Variants in PTGER4 observed in about 807,000 individuals in gnomAD.
The protein encoded by PTGER4 is prostaglandin E2 receptor EP4 subtype.
A neutral mutation model predicts 33.2 loss-of-function variants in PTGER4; 11 were observed. The observed-to-expected ratio is 0.33, with a 90% confidence interval of 0.21 to 0.55. The LOEUF (loss-of-function observed/expected upper bound fraction) is 0.55. Ranked by LOEUF, PTGER4 falls within the 20% of genes least tolerant of loss-of-function variation. The probability of loss-of-function intolerance (pLI) is 0.92; values close to 1 mark genes in which losing one functional copy is unlikely to be tolerated. For missense variants in PTGER4, 481 were observed against 650.2 expected (o/e 0.74, Z 2.83); for synonymous variants, 275 against 281.5 (o/e 0.98, Z 0.23).
At position 40,693,418 on chromosome 5, in the gene PTGER4, G is replaced by A. The variant is rs1741520316; in HGVS notation, c.*1040G>A. ...ATATCCTTTAAAATTTAAAAGGATG[G>A]CAAGTTGCATCAGAAAGCTTTATTT... is the stretch of plus-strand genomic sequence containing the variant. On this transcript the variant is annotated 3_prime_UTR_variant, in exon 3 of 3. Coordinates refer to ENST00000302472, the MANE Select transcript of PTGER4 (RefSeq NM_000958.3). 2 of 985,634 alleles carry A rather than the reference G, an allele frequency of 2.0e-6. No individual in the cohort carries two copies. The highest frequency in any genetic ancestry group is 2.4e-6 in the Non-Finnish European group (2 of 829,622). 61.1% of individuals were successfully genotyped at this position (985,634 alleles called of 1,614,324 possible).
At chr5:40,701,872 T>C in the PTGER4 span, among the ~76,000 whole-genome samples, 1 of 152,198 alleles carries the variant, frequency 6.6e-6, no homozygotes, top group Non-Finnish European at 1.5e-5. Context: ...ATTGGGGGCC[T>C]ATGTTCAACA....
chr5:40,701,955 A>G, the PTGER4 span, among the ~76,000 whole-genome samples: 1 of 152,348 alleles, frequency 6.6e-6, no homozygotes, highest in East Asian at 1.9e-4. Context: ...AAGGAGAAAT[A>G]AGATCCTTTT....
rs2111783616 is a variant in PTGER4, at chr5:40,681,557, C to T, written c.564C>T (p.Tyr188=). 2 of 1,611,866 alleles carry T rather than the reference C, an allele frequency of 1.2e-6. No homozygotes were observed. The highest frequency in any genetic ancestry group is 8.5e-7 in the Non-Finnish European group (1 of 1,180,044). The part of the protein sequence containing the change: ...VTAHAAYSYM[Y]AGFSSFLILA... ...CGCACGCCGCCTACTCCTACATGTACGCGGGCTTCAGCTCCTTCCTCATTC... is the reference window on the plus strand; with the variant it reads ...CGCACGCCGCCTACTCCTACATGTATGCGGGCTTCAGCTCCTTCCTCATTC... Residue 188 remains tyrosine (Y), a synonymous_variant, in exon 2 of 3, where the codon TAC becomes TAT. Coordinates refer to ENST00000302472, the MANE Select transcript of PTGER4 (RefSeq NM_000958.3). The surrounding 1 kb of genome is among the most constrained non-coding windows in gnomAD (Gnocchi z 9.8).
chr5:40,715,843 A>C, the PTGER4 span: 1 of 258,468 alleles, frequency 3.9e-6, no homozygotes, highest in Non-Finnish European at 7.3e-6. Context: ...ACTATTCAAG[A>C]ATACATTTTT....
At chr5:40,684,249 T>G (rs1397525199) in intron 2 of PTGER4, among the ~76,000 whole-genome samples, 1 of 152,048 alleles carries the variant, frequency 6.6e-6, no homozygotes, top group Admixed American at 6.6e-5. Context: ...TAAATTAAGA[T>G]TAAAGCTCAG....
At chr5:40,704,355 AT>A in the PTGER4 span, among the ~76,000 whole-genome samples, 2 of 152,226 alleles carry the variant, frequency 1.3e-5, no homozygotes, top group African/African-American at 2.4e-5. Flanking sequence ...AGAGCCATCT[AT>A]GACAAACCCA....
At chr5:40,719,677 G>A in the PTGER4 span, among the ~76,000 whole-genome samples, 1 of 152,076 alleles carries the variant, frequency 6.6e-6, no homozygotes, top group African/African-American at 2.4e-5. Context: ...AATGGACGAG[G>A]ACTCCAATTT....
At chr5:40,721,214 G>T in the PTGER4 span, among the ~76,000 whole-genome samples, 1 of 152,304 alleles carries the variant, frequency 6.6e-6, no homozygotes, top group South Asian at 2.1e-4. Flanking sequence ...CAGCTGCCTG[G>T]GGGCTAGGAA....
At chr5:40,716,655 C>G in the PTGER4 span, among the ~76,000 whole-genome samples, 1 of 152,034 alleles carries the variant, frequency 6.6e-6, no homozygotes, top group African/African-American at 2.4e-5. Flanking sequence ...CGGTGTTGCC[C>G]TAAACACTGG....
the PTGER4 span, chr5:40,716,219 C>T: frequency 3.8e-5 from 61 of 1,614,058 alleles, no homozygotes; most frequent in Non-Finnish European, 5.1e-5. Flanking sequence ...GTCTCTATGG[C>T]CCCAGAAGCA....
At chr5:40,697,221 A>C (rs1363243097), downstream of PTGER4, among the ~76,000 whole-genome samples, 1 of 117,710 alleles carries the variant, frequency 8.5e-6, no homozygotes, top group African/African-American at 3.4e-5. Flanking sequence ...AGAAAAAGAA[A>C]GAAGAAAAGA....
In PTGER4 at chr5:40,691,783, G is replaced by A. The variant is rs1225308641; in HGVS notation, c.872G>A (p.Arg291Gln). The A allele has an allele frequency of 1.7e-5, 27 of 1,612,258 alleles. No individual in the cohort carries two copies. Among genetic ancestry groups the A allele is most frequent in the East Asian group, 2.2e-5 (1 of 44,892 alleles). The change falls in exon 3 of 3, where the codon CGA becomes CAA. Residue 291 changes from arginine (R) to glutamine (Q), a missense_variant. Arg to Gln is a conservative substitution (Grantham distance 43). Around this residue, in one of 7 missense-constraint regions of PTGER4, gnomAD observed 174 missense variants for 210.5 expected, o/e 0.83. Transcript: ENST00000302472. The surrounding 1 kb of genome is among the most constrained non-coding windows in gnomAD (Gnocchi z 4.2). ...VLICSIPLVVRVFVNQLYQPS... is the reference protein window; with the variant it reads ...VLICSIPLVVQVFVNQLYQPS... ...TGTGCGATCTCACTTATGCAGGTGC[G>A]AGTATTCGTCAACCAGTTATATCAG...
chr5:40,730,469 G>C, the PTGER4 span: 2 of 656,262 alleles, frequency 3.0e-6, no homozygotes, highest in South Asian at 4.2e-5. Context: ...ACAGTTCAGA[G>C]GCATTAAGTA....
chr5:40,680,826 C>A lies in PTGER4; in HGVS notation c.-43-125C>A. On this transcript the variant is annotated intron_variant, in intron 1 of 2. Transcript: ENST00000302472. The surrounding 1 kb of genome is among the most constrained non-coding windows in gnomAD (Gnocchi z 5.5). The stretch of plus-strand genomic sequence containing the variant: ...GCCGCAGTTGGTAAGTGGCTACAAT[C>A]CAGAAAGTAGGATCGAGTTGCTCCC... 4 of 895,498 alleles carry A rather than the reference C, an allele frequency of 4.5e-6. No individual in the cohort carries two copies. The highest frequency in any genetic ancestry group is 6.8e-6 in the Non-Finnish European group (4 of 590,760). 55.5% of individuals were successfully genotyped at this position (895,498 alleles called of 1,614,324 possible).
the PTGER4 span, among the ~76,000 whole-genome samples, chr5:40,730,041 T>C: frequency 6.6e-6 from 1 of 152,206 alleles, no homozygotes; most frequent in Non-Finnish European, 1.5e-5. Context: ...TATCTTACAA[T>C]AGTTAGGCTA....
chr5:40,740,335 A>G, the PTGER4 span, among the ~76,000 whole-genome samples: 1 of 151,622 alleles, frequency 6.6e-6, no homozygotes, highest in Non-Finnish European at 1.5e-5. Context: ...GTCCAGGCCT[A>G]CTGGTAATGG....
chr5:40,687,168 TCC>T (rs1741346069), intron 2 of PTGER4, among the ~76,000 whole-genome samples: 1 of 151,932 alleles, frequency 6.6e-6, no homozygotes, highest in Non-Finnish European at 1.5e-5. Flanking sequence ...GCCTCAGCCT[TCC>T]AAGTAGCTGG....
At chr5:40,721,720 C>G in the PTGER4 span, among the ~76,000 whole-genome samples, 1 of 151,808 alleles carries the variant, frequency 6.6e-6, no homozygotes, top group Admixed American at 6.6e-5. Context: ...CAGGGAAAAC[C>G]TTCATGACAT....
chr5:40,723,335 A>C, the PTGER4 span, among the ~76,000 whole-genome samples: 2 of 151,868 alleles, frequency 1.3e-5, no homozygotes, highest in Non-Finnish European at 2.9e-5. Context: ...AAACCAGAGA[A>C]CTTTGTTCAC....
Sources: gnomAD v4.1 joint callset for allele counts (sites outside exome capture counted in the v4.1 genomes callset) on GRCh38, gnomAD v4.1.1 for gene constraint, gnomAD v4.1.1 regional missense constraint, Gnocchi (gnomAD v3.1) non-coding constraint, MANE v1.5 for transcripts, NCBI Gene and HGNC (gene_info 2026-07-23, HGNC 2026-07-21) for gene names.